Variants in GALNT7 observed in about 807,000 individuals in gnomAD.
GALNT7 encodes polypeptide N-acetylgalactosaminyltransferase 7.
GALNT7 carries 60 observed loss-of-function variants against 82.1 expected under a neutral mutation model. The observed-to-expected ratio is 0.73, with a 90% CI of 0.59 to 0.91. The LOEUF is 0.91. Among genes scored for constraint, GALNT7 ranks in the 40% least tolerant of loss-of-function variants. The probability of loss-of-function intolerance (pLI) is 0.00; values close to 1 mark genes in which losing one functional copy is unlikely to be tolerated. For missense variants in GALNT7, 660 were observed against 804.2 expected (o/e 0.82, Z 2.17); for synonymous variants, 243 against 275.1 (o/e 0.88, Z 1.15).
intron 2 of GALNT7, among the ~76,000 whole-genome samples, chr4:173,267,187 T>C (rs1219909914): frequency 6.6e-6 from 1 of 152,128 alleles, no homozygotes; most frequent in Non-Finnish European, 1.5e-5. Flanking sequence ...ATATCACATG[T>C]ATCCCATAAA....
At chr4:173,208,540 G>A (rs1438103384) in intron 1 of GALNT7, among the ~76,000 whole-genome samples, 3 of 151,918 alleles carry the variant, frequency 2.0e-5, no homozygotes, top group Non-Finnish European at 4.4e-5. Flanking sequence ...CCCCTCCTCC[G>A]CACCCGCAGA....
intron 7 of GALNT7, among the ~76,000 whole-genome samples, chr4:173,303,032 T>TAA (rs1561197066): frequency 1.7e-4 from 26 of 152,002 alleles, no homozygotes; most frequent in African/African-American, 6.3e-4. Context: ...CCATCTCTAC[T>TAA]AAAATACAAA....
At chr4:173,171,652 C>T (rs1276853742) in intron 1 of GALNT7, among the ~76,000 whole-genome samples, 1 of 152,232 alleles carries the variant, frequency 6.6e-6, no homozygotes, top group Non-Finnish European at 1.5e-5. Context: ...CTCTGGGCCT[C>T]TTGCCCTTTC....
chr4:173,169,024 T>G (rs952384919), intron 1 of GALNT7, 63 bp downstream of exon 1: 22 of 1,565,128 alleles, frequency 1.4e-5, no homozygotes, highest in Non-Finnish European at 1.9e-5. Context: ...TTTGCCCGCG[T>G]GTGGAGGGAG....
chr4:173,268,484 C>CT (rs1298236563), intron 2 of GALNT7, among the ~76,000 whole-genome samples: 1 of 143,708 alleles, frequency 7.0e-6, no homozygotes, highest in Non-Finnish European at 1.5e-5. Context: ...ATGAGAAAAT[C>CT]TGTGGCACCA....
chr4:173,199,259 G>C (rs1283255630), intron 1 of GALNT7, among the ~76,000 whole-genome samples: 2 of 152,158 alleles, frequency 1.3e-5, no homozygotes, highest in African/African-American at 2.4e-5. Flanking sequence ...GGTGGAGGTA[G>C]CATGTTGTAG....
At chr4:173,189,410 C>T (rs1211723378) in intron 1 of GALNT7, among the ~76,000 whole-genome samples, 1 of 152,112 alleles carries the variant, frequency 6.6e-6, no homozygotes, top group African/African-American at 2.4e-5. Flanking sequence ...TAAGTATAAC[C>T]CATATTAGAT....
rs900431623 is a variant in GALNT7, at chr4:173,202,619, A to G, written c.126+33658A>G. Among the ~76,000 whole-genome samples, 7 of 152,284 alleles carry G rather than the reference A, an allele frequency of 4.6e-5. No individual in the cohort carries two copies. In the East Asian group the frequency reaches 1.3e-3, roughly 29 times the overall value. On this transcript the variant is annotated intron_variant, in intron 1 of 11. Coordinates refer to ENST00000265000, the MANE Select transcript of GALNT7 (RefSeq NM_017423.3). ...AATCTTATCTGCTCACTACAACTCA[A>G]ACTGATTTGTTGACCTGGCCATTTA...
At chr4:173,190,915 A>G (rs1453010070) in intron 1 of GALNT7, among the ~76,000 whole-genome samples, 1 of 152,198 alleles carries the variant, frequency 6.6e-6, no homozygotes, top group Non-Finnish European at 1.5e-5. Context: ...TTTGTTACCA[A>G]AAATCACTAT....
intron 2 of GALNT7, among the ~76,000 whole-genome samples, chr4:173,260,260 T>A (rs1427002969): frequency 6.6e-6 from 1 of 152,176 alleles, no homozygotes; most frequent in Non-Finnish European, 1.5e-5. Context: ...AGGAAAAAAA[T>A]TTAAGCTTTT....
At chr4:173,244,956 G>A (rs978721386) in intron 1 of GALNT7, among the ~76,000 whole-genome samples, 1 of 152,152 alleles carries the variant, frequency 6.6e-6, no homozygotes, top group Admixed American at 6.5e-5. Flanking sequence ...GTGAATGATA[G>A]GTTCAGTTTT....
intron 2 of GALNT7, among the ~76,000 whole-genome samples, chr4:173,251,481 T>C (rs1734844581): frequency 6.6e-6 from 1 of 152,224 alleles, no homozygotes; most frequent in Non-Finnish European, 1.5e-5. Flanking sequence ...ATAGGCTCTG[T>C]TGCTTTTTGG....
At position 173,292,157 on chromosome 4, in the gene GALNT7, A is replaced by G; in HGVS notation, c.637A>G (p.Ile213Val). The part of the protein sequence containing the change: ...DENLLTSSVV[I>V]VFHNEGWSTL... The stretch of plus-strand genomic sequence containing the variant: ...AAACTTGCTCACTTCGAGCGTTGTC[A>G]TTGTCTTCCATAATGAAGGATGGTC... Residue 213 changes from isoleucine to valine, a missense_variant, in exon 3 of 12, where the codon ATT becomes GTT. By Grantham distance (29) the Ile-to-Val change is conservative. This residue lies in a region of GALNT7 where 527 missense variants were observed against 683.5 expected (regional missense o/e 0.77). Coordinates refer to ENST00000265000, the MANE Select transcript of GALNT7 (RefSeq NM_017423.3). This position sits in a 1 kb window ranked among gnomAD's most constrained non-coding sequence, Gnocchi z 4.8. The G allele has an allele frequency of 6.2e-7, 1 of 1,609,284 alleles. No homozygotes were observed. The highest frequency in any genetic ancestry group is 1.1e-5 in the South Asian group (1 of 90,258).
At chr4:173,175,665 A>G (rs761575691) in intron 1 of GALNT7, among the ~76,000 whole-genome samples, 15 of 152,246 alleles carry the variant, frequency 9.9e-5, no homozygotes, top group Non-Finnish European at 2.1e-4. Flanking sequence ...TAACCCTGTC[A>G]TAAGTCTGAG....
intron 1 of GALNT7, among the ~76,000 whole-genome samples, chr4:173,195,409 T>C (rs1732746381): frequency 6.6e-6 from 1 of 152,190 alleles, no homozygotes; most frequent in Admixed American, 6.5e-5. Flanking sequence ...TCTAATGCCC[T>C]TCCATTCAGA....
Position 173,266,079 on chromosome 4 carries a change from G to A in GALNT7, c.587+17639G>A, listed in dbSNP as rs372046129. On this transcript the variant is annotated intron_variant, in intron 2 of 11. Coordinates refer to ENST00000265000, the MANE Select transcript of GALNT7 (RefSeq NM_017423.3). ...TCGAGACCAGCCTGGCCAACATGGC[G>A]AAACCCTGTCTCTACTACAAATACA... Among the ~76,000 whole-genome samples the A allele has an allele frequency of 7.7e-3, 1,176 of 152,222 alleles. 13 individuals are homozygous for A. The highest frequency in any genetic ancestry group is 0.026 in the African/African-American group (1,095 of 41,516).
intron 1 of GALNT7, among the ~76,000 whole-genome samples, chr4:173,238,461 C>G (rs1734305563): frequency 6.6e-6 from 1 of 152,056 alleles, no homozygotes; most frequent in Admixed American, 6.5e-5. Flanking sequence ...AATTATCAGC[C>G]TTTTAGTAGC....
At chr4:173,310,952 T>G (rs1352112645) in intron 8 of GALNT7, among the ~76,000 whole-genome samples, 1 of 152,164 alleles carries the variant, frequency 6.6e-6, no homozygotes, top group Non-Finnish European at 1.5e-5. Flanking sequence ...GCCAGGCTGG[T>G]CTCGAACTCT....
chr4:173,296,317 A>G (rs963896149), intron 5 of GALNT7, among the ~76,000 whole-genome samples: 14 of 152,200 alleles, frequency 9.2e-5, no homozygotes, highest in Non-Finnish European at 1.8e-4. Flanking sequence ...CAACTATTCC[A>G]TGGAATTGTG....
Sources: gnomAD v4.1 joint callset for allele counts (sites outside exome capture counted in the v4.1 genomes callset) on GRCh38, gnomAD v4.1.1 for gene constraint, gnomAD v4.1.1 regional missense constraint, Gnocchi (gnomAD v3.1) non-coding constraint, MANE v1.5 for transcripts, NCBI Gene and HGNC (gene_info 2026-07-23, HGNC 2026-07-21) for gene names.